Variants in PGS1 observed in about 807,000 individuals in gnomAD.
PGS1 encodes the protein phosphatidylglycerophosphate synthase 1, also known as CDP-diacylglycerol--glycerol-3-phosphate 3-phosphatidyltransferase, mitochondrial.
Under a neutral mutation model 58.3 loss-of-function variants are expected in PGS1, and 44 were observed. The ratio of observed to expected loss-of-function variants is 0.75; its 90% CI spans 0.59 to 0.97. The LOEUF is 0.97. Among genes scored for constraint, PGS1 ranks in the 50% least tolerant of loss-of-function variants. PGS1 has a pLI of 0.00. For synonymous variants in PGS1, 330 were observed against 311.0 expected (o/e 1.06, Z -0.64); for missense variants, 684 against 731.1 (o/e 0.94, Z 0.74).
intron 1 of PGS1, among the ~76,000 whole-genome samples, chr17:78,380,707 C>T (rs1281100598): frequency 6.6e-6 from 1 of 152,158 alleles, no homozygotes; most frequent in Non-Finnish European, 1.5e-5. Flanking sequence ...TCATTTCCCT[C>T]TATATGTTTA....
At chr17:78,387,035 C>T (rs2082443515) in intron 1 of PGS1, among the ~76,000 whole-genome samples, 1 of 152,012 alleles carries the variant, frequency 6.6e-6, no homozygotes, top group Non-Finnish European at 1.5e-5. Flanking sequence ...TTTTGAGACA[C>T]AGTCTCTCTC....
rs147558198 is a variant in PGS1 at position 78,411,558 on chromosome 17, A to G, written c.1403-3321A>G. Among the ~76,000 whole-genome samples the G allele has an allele frequency of 4.6e-4, 70 of 152,268 alleles. 1 individual carries two copies. The highest frequency in any genetic ancestry group is 7.4e-4 in the Non-Finnish European group (50 of 68,024). On this transcript the variant is annotated intron_variant, in intron 7 of 9. Coordinates refer to ENST00000262764, the MANE Select transcript of PGS1 (RefSeq NM_024419.5). ...TGCAGTATTTATCTCTGCCCCATGA[A>G]CTGCCAGCAGTCAGTCCCTTCCCAA...
chr17:78,389,132 G>A (rs908426108), intron 1 of PGS1, among the ~76,000 whole-genome samples: 1 of 135,838 alleles, frequency 7.4e-6, no homozygotes, highest in African/African-American at 2.8e-5. Flanking sequence ...GTGTGATCTC[G>A]GCTCACTGCA....
At chr17:78,417,417 G>T (rs754921576) in intron 8 of PGS1, among the ~76,000 whole-genome samples, 4 of 152,206 alleles carry the variant, frequency 2.6e-5, no homozygotes, top group Non-Finnish European at 5.9e-5. Context: ...GGGCTGCTCA[G>T]TTGGGAGTGT....
intron 1 of PGS1, among the ~76,000 whole-genome samples, chr17:78,391,600 C>G (rs1412897190): frequency 1.3e-5 from 2 of 152,258 alleles, no homozygotes; most frequent in Non-Finnish European, 2.9e-5. Context: ...GCCTTAGCCT[C>G]CCAAGTAGCT....
rs371594779 is a variant in PGS1, at chr17:78,380,339, CAT to C, written c.143+1532_143+1533del. 8.2e-3 allele frequency among the ~76,000 whole-genome samples: 1,251 copies of C among 152,280 alleles called. 4 individuals carry two copies. Among genetic ancestry groups the C allele is most frequent in the South Asian group, 0.027 (130 of 4,818 alleles). The stretch of plus-strand genomic sequence containing the variant: ...CTAGTACAGAGATCTGGGGTCCAGT[CAT>C]GTGTACTGATTCTAGGTACAGAAAA... On this transcript the variant is annotated intron_variant, in intron 1 of 9. Coordinates refer to ENST00000262764, the MANE Select transcript of PGS1 (RefSeq NM_024419.5).
intron 7 of PGS1, among the ~76,000 whole-genome samples, chr17:78,409,972 G>A (rs1398708222): frequency 2.6e-5 from 4 of 152,148 alleles, no homozygotes; most frequent in African/African-American, 9.7e-5. Flanking sequence ...TTAGCCGGGT[G>A]TGGTGGTGCA....
chr17:78,414,382 C>T (rs1428050583), intron 7 of PGS1, among the ~76,000 whole-genome samples: 2 of 152,168 alleles, frequency 1.3e-5, no homozygotes, highest in Non-Finnish European at 2.9e-5. Context: ...CTGAGAAGCA[C>T]GCGTGAGCTG....
In PGS1 at chr17:78,400,831, G is replaced by C. The variant is rs780881977; in HGVS notation, c.856G>C (p.Asp286His). 1.2e-5 allele frequency: 19 copies of C among 1,609,860 alleles called. No individual in the cohort carries two copies. Among genetic ancestry groups the C allele is most frequent in the Non-Finnish European group, 1.6e-5 (19 of 1,177,306 alleles). ...LQGDDTVQVVDGMVHPYKGDR... is the reference protein window; with the variant it reads ...LQGDDTVQVVHGMVHPYKGDR... Reference sequence around the variant, plus strand: ...GGGGGACGACACGGTGCAGGTGGTGGATGGGATGGTGCATCCTTACAAAGG... The same window carrying C: ...GGGGGACGACACGGTGCAGGTGGTGCATGGGATGGTGCATCCTTACAAAGG... Residue 286 changes from aspartate (D) to histidine (H), a missense_variant, in exon 6 of 10, where the codon GAT becomes CAT. Coordinates refer to ENST00000262764, the MANE Select transcript of PGS1 (RefSeq NM_024419.5). This position sits in a 1 kb window ranked among gnomAD's most constrained non-coding sequence, Gnocchi z 4.4.
chr17:78,423,717 A>T (rs1598420850), intron 9 of PGS1: 1 of 694,260 alleles, frequency 1.4e-6, no homozygotes, highest in Non-Finnish European at 2.4e-6. Context: ...CACTGGCTTT[A>T]ATCTGCCCCA....
intron 1 of PGS1, among the ~76,000 whole-genome samples, chr17:78,388,506 T>TA (rs199788641): frequency 0.18 from 27,845 of 151,980 alleles, 3,450 homozygotes; most frequent in African/African-American, 0.35. Context: ...GCTAATTTTT[T>TA]TTTTTTATTT....
rs1343471427 is a variant in PGS1 at position 78,404,014 on chromosome 17, G to A, written c.1327G>A (p.Val443Met). 6.2e-7 allele frequency: 1 copy of A among 1,613,322 alleles called. No homozygotes were observed. The highest frequency in any genetic ancestry group is 1.3e-5 in the African/African-American group (1 of 74,950). ...CATCGAGCGACAGTTCTTCAGTGAG[G>A]TGTGCAGCCTGGGACAGCAGGAGCG... ...VHIERQFFSE[V>M]CSLGQQERVQ... The change falls in exon 7 of 10, where the codon GTG (valine) becomes ATG (methionine). Residue 443 changes from valine (V) to methionine (M), a missense_variant. Physicochemically the swap from Val to Met is conservative, Grantham distance 21. Coordinates refer to ENST00000262764, the MANE Select transcript of PGS1 (RefSeq NM_024419.5).
intron 9 of PGS1, chr17:78,421,895 A>G (rs1490591784): frequency 7.0e-6 from 1 of 143,010 alleles, no homozygotes; most frequent in Admixed American, 6.9e-5. Flanking sequence ...AGCAACAGAG[A>G]GCAGCGGGCG....
At chr17:78,419,753 C>T (rs2085525360) in intron 9 of PGS1, 78 bp downstream of exon 9, 1 of 1,585,082 alleles carries the variant, frequency 6.3e-7, no homozygotes. Context: ...TCTGACTCAA[C>T]CAGAGCTTCC....
At position 78,378,743 on chromosome 17, in the gene PGS1, G is replaced by C. The variant is rs1464731726; in HGVS notation, c.78G>C (p.Gly26=). ...TGGGCCTCCTGCCTGGCCGCCCAGG[G>C]CTGGCCGCGCTCCTGGGACGCCTGT... ...RLLGLLPGRP[G]LAALLGRLSD... is the part of the protein sequence containing the mutation. Residue 26 remains glycine, a synonymous_variant, in exon 1 of 10, where the codon GGG becomes GGC. Transcript: ENST00000262764. 2 of 1,507,192 alleles carry C rather than the reference G, an allele frequency of 1.3e-6. No individual in the cohort carries two copies. The highest frequency in any genetic ancestry group is 4.2e-5 in the Admixed American group (2 of 47,942). The allele number at this position is 1,507,192 out of a possible 1,614,324, so 93.4% of individuals were successfully genotyped here. A position where few individuals can be genotyped will look rare whatever the true frequency, so the allele number is the denominator to read the frequency against.
In PGS1 at chr17:78,393,457, T is replaced by A. The variant is rs77293561; in HGVS notation, c.333+792T>A. ...TTGGTGAGGACTGAGGACCCGTGGG[T>A]CACATGGGTATGTCCTTGCTAAAGG... is the stretch of plus-strand genomic sequence containing the variant. On this transcript the variant is annotated intron_variant, in intron 2 of 9. Transcript: ENST00000262764. Among the ~76,000 whole-genome samples the A allele has an allele frequency of 6.6e-3, 1,002 of 152,282 alleles. 13 individuals are homozygous for A. The highest frequency in any genetic ancestry group is 0.023 in the African/African-American group (957 of 41,540).
Position 78,399,376 on chromosome 17 carries a change from C to G in PGS1, c.540C>G (p.Leu180=), listed in dbSNP as rs749943989. 6.8e-6 allele frequency: 11 copies of G among 1,613,986 alleles called. No homozygotes were observed. The highest frequency in any genetic ancestry group is 9.3e-6 in the Non-Finnish European group (11 of 1,180,000). Reference sequence around the variant, plus strand: ...GGAAGAACTCCCGCACAATGCTGCTCCCACTCCTGCGGAGGTTCCCAGAGC... The same window carrying G: ...GGAAGAACTCCCGCACAATGCTGCTGCCACTCCTGCGGAGGTTCCCAGAGC... ...RGRKNSRTML[L]PLLRRFPEQV... Residue 180 remains leucine (L), a synonymous_variant, in exon 5 of 10, where the codon CTC becomes CTG. Coordinates refer to ENST00000262764, the MANE Select transcript of PGS1 (RefSeq NM_024419.5).
At position 78,423,704 on chromosome 17, in the gene PGS1, C is replaced by G. The variant is rs150783880; in HGVS notation, c.*11-357C>G. On this transcript the variant is annotated intron_variant, in intron 9 of 9. Coordinates refer to ENST00000262764, the MANE Select transcript of PGS1 (RefSeq NM_024419.5). ...AGAATGGATGGGCACAGCTGAGTGGCTCCACTGGCTTTAATCTGCCCCACC... is the reference window on the plus strand; with the variant it reads ...AGAATGGATGGGCACAGCTGAGTGGGTCCACTGGCTTTAATCTGCCCCACC... The G allele has an allele frequency of 7.0e-4, 441 of 629,566 alleles. 2 individuals carry two copies. In the African/African-American group the frequency reaches 7.5e-3, roughly 11 times the overall value. 39.0% of individuals were successfully genotyped at this position (629,566 alleles called of 1,614,324 possible). A position where few individuals can be genotyped will look rare whatever the true frequency, so the allele number is the denominator to read the frequency against.
intron 8 of PGS1, among the ~76,000 whole-genome samples, chr17:78,415,775 G>A (rs866804797): frequency 6.6e-6 from 1 of 152,218 alleles, no homozygotes; most frequent in African/African-American, 2.4e-5. Flanking sequence ...GTGACAGTGT[G>A]GTTAGACTTT....
Sources: allele counts gnomAD v4.1 joint callset (sites outside exome capture counted in the v4.1 genomes callset), GRCh38; gene constraint gnomAD v4.1.1; non-coding constraint Gnocchi (gnomAD v3.1); transcripts MANE v1.5; gene names NCBI Gene and HGNC (gene_info 2026-07-23, HGNC 2026-07-21).